The following GBE1 variants were observed in gnomAD, a reference collection of about 807,000 sequenced individuals.
GBE1 encodes 1,4-alpha-glucan branching enzyme 1, also known as 1,4-alpha-glucan-branching enzyme.
GBE1 carries 70 observed loss-of-function variants against 88.8 expected under a neutral mutation model. That is an observed-to-expected ratio of 0.79 (90% confidence interval 0.65 to 0.96). GBE1 has a LOEUF of 0.96. Ranked by LOEUF, GBE1 falls within the 40% of genes least tolerant of loss-of-function variation. GBE1 has a pLI of 0.00. For synonymous variants in GBE1, 284 were observed against 300.1 expected (o/e 0.95, Z 0.56); for missense variants, 872 against 871.0 (o/e 1.00, Z -0.01).
At chr3:81,527,897 G>A (rs938410118) in intron 14 of GBE1, among the ~76,000 whole-genome samples, 5 of 151,840 alleles carry the variant, frequency 3.3e-5, no homozygotes, top group Admixed American at 6.6e-5. Context: ...AAATCATGCC[G>A]CTATAAAGAC....
chr3:81,621,792 A>G (rs1704337284), intron 7 of GBE1, among the ~76,000 whole-genome samples: 1 of 151,996 alleles, frequency 6.6e-6, no homozygotes. Flanking sequence ...AGTGGACAAT[A>G]CCATATTTCC....
chr3:81,750,251 T>C (rs1706478129), intron 1 of GBE1, among the ~76,000 whole-genome samples: 1 of 151,854 alleles, frequency 6.6e-6, no homozygotes, highest in South Asian at 2.1e-4. Flanking sequence ...CCATGAAGAC[T>C]GATAGTTACA....
chr3:81,542,401 G>A (rs1307412547), intron 12 of GBE1, among the ~76,000 whole-genome samples: 1 of 151,912 alleles, frequency 6.6e-6, no homozygotes, highest in East Asian at 1.9e-4. Flanking sequence ...TCTGCTCAAA[G>A]GTAAACAGCA....
At chr3:81,741,390 G>T (rs1236257578) in intron 1 of GBE1, among the ~76,000 whole-genome samples, 1 of 152,052 alleles carries the variant, frequency 6.6e-6, no homozygotes, top group Non-Finnish European at 1.5e-5. Context: ...GTATTTAAAA[G>T]TGTAAATTCT....
At chr3:81,672,887 C>T (rs1705207550) in intron 2 of GBE1, among the ~76,000 whole-genome samples, 1 of 151,850 alleles carries the variant, frequency 6.6e-6, no homozygotes, top group East Asian at 1.9e-4. Flanking sequence ...TCTTCCATTA[C>T]ATATTTCACT....
At position 81,565,513 on chromosome 3, in the gene GBE1, G is replaced by C. The variant is rs74510913; in HGVS notation, c.1618+12412C>G. ...TCTAATGTAGCGATCAACAAATGCA[G>C]ACTGACACTTAGGACAAAATCCATC... On this transcript the variant is annotated intron_variant, in intron 12 of 15. Transcript: ENST00000429644. Among the ~76,000 whole-genome samples, 888 of 152,284 alleles carry C rather than the reference G, an allele frequency of 5.8e-3. 6 individuals are homozygous for C. The highest frequency in any genetic ancestry group is 0.017 in the African/African-American group (700 of 41,560).
intron 14 of GBE1, among the ~76,000 whole-genome samples, chr3:81,522,358 T>C (rs1400015646): frequency 1.3e-5 from 2 of 151,480 alleles, no homozygotes; most frequent in Non-Finnish European, 3.0e-5. Flanking sequence ...GAATAACAGG[T>C]GATTATTTGT....
chr3:81,613,122 TC>T, intron 7 of GBE1: 1 of 446,320 alleles, frequency 2.2e-6, no homozygotes, highest in Non-Finnish European at 3.8e-6. Context: ...TAAAATGTTC[TC>T]CAGTCCTTGG....
intron 15 of GBE1, among the ~76,000 whole-genome samples, chr3:81,494,519 T>C (rs2106803099): frequency 6.6e-6 from 1 of 152,326 alleles, no homozygotes; most frequent in South Asian, 2.1e-4. Context: ...TTGATGTACC[T>C]GTATATAGAA....
At chr3:81,588,622 C>T (rs918982171) in intron 9 of GBE1, among the ~76,000 whole-genome samples, 5 of 152,060 alleles carry the variant, frequency 3.3e-5, no homozygotes, top group African/African-American at 1.2e-4. Context: ...ATTTGTCCCT[C>T]AAGTCTTCTC....
chr3:81,717,938 A>G (rs1303496389), intron 1 of GBE1, among the ~76,000 whole-genome samples: 1 of 150,656 alleles, frequency 6.6e-6, no homozygotes, highest in Non-Finnish European at 1.5e-5. Context: ...GAAATATAAA[A>G]GACACAGGAA....
At chr3:81,697,441 A>G (rs1458114296) in intron 2 of GBE1, among the ~76,000 whole-genome samples, 1 of 151,984 alleles carries the variant, frequency 6.6e-6, no homozygotes, top group Admixed American at 6.5e-5. Flanking sequence ...CTGGGCCTAC[A>G]GGCACCTGCC....
intron 1 of GBE1, among the ~76,000 whole-genome samples, chr3:81,722,344 T>C (rs888035053): frequency 9.2e-5 from 14 of 152,126 alleles, no homozygotes; most frequent in Admixed American, 9.2e-4. Flanking sequence ...TGTATACTAA[T>C]ATATAGAAAA....
chr3:81,738,129 C>T (rs1311139664), intron 1 of GBE1, among the ~76,000 whole-genome samples: 23 of 151,616 alleles, frequency 1.5e-4, no homozygotes, highest in African/African-American at 4.1e-4. Context: ...ATATGTGCCA[C>T]ATTTTCTTAA....
At chr3:81,732,161 G>A (rs967998021) in intron 1 of GBE1, among the ~76,000 whole-genome samples, 2 of 152,008 alleles carry the variant, frequency 1.3e-5, no homozygotes, top group Non-Finnish European at 1.5e-5. Context: ...TTAAATCAAC[G>A]AATATACATA....
chr3:81,676,875 CAG>C (rs1705264387), intron 2 of GBE1, among the ~76,000 whole-genome samples: 3 of 152,140 alleles, frequency 2.0e-5, no homozygotes, highest in African/African-American at 7.2e-5. Flanking sequence ...GGAAAAGAAA[CAG>C]TGTGATGCAC....
intron 7 of GBE1, among the ~76,000 whole-genome samples, chr3:81,636,987 A>C (rs1436683469): frequency 6.6e-6 from 1 of 152,210 alleles, no homozygotes; most frequent in Non-Finnish European, 1.5e-5. Context: ...ATACAGTCCA[A>C]GACTGCCAGT....
chr3:81,739,310 T>G (rs1299466596), intron 1 of GBE1, among the ~76,000 whole-genome samples: 3 of 152,170 alleles, frequency 2.0e-5, no homozygotes. Flanking sequence ...ACTGTCAGCC[T>G]ACCCAGCAGT....
chr3:81,628,777 A>ATATATATG lies in GBE1; in HGVS notation c.992+14003_992+14004insCATATATA, dbSNP rs1553687067. ...TATATATATATATATATATATATATATATATAGCAACAGAGTATGTTACTA... is the reference window on the plus strand; with the variant it reads ...TATATATATATATATATATATATATATATATATGTATATAGCAACAGAGTATGTTACTA... On this transcript the variant is annotated intron_variant, in intron 7 of 15. Coordinates refer to ENST00000429644, the MANE Select transcript of GBE1 (RefSeq NM_000158.4). Among the ~76,000 whole-genome samples, 36 of 133,694 alleles carry ATATATATG rather than the reference A, an allele frequency of 2.7e-4. 1 individual carries two copies. The Admixed American group carries it at 2.7e-3, about 10-fold the overall frequency. The allele number at this position is 133,694 out of a possible 152,430, so 87.7% of individuals were successfully genotyped here.
Sources: gnomAD v4.1 joint callset for allele counts (sites outside exome capture counted in the v4.1 genomes callset) on GRCh38, gnomAD v4.1.1 for gene constraint, MANE v1.5 for transcripts, NCBI Gene and HGNC (gene_info 2026-07-23, HGNC 2026-07-21) for gene names.